CLASP1: variants seen among roughly 807,000 people sequenced by gnomAD.
CLASP1 encodes CLIP-associating protein 1.
In CLASP1, 38 loss-of-function variants were observed where a neutral mutation model predicts 192.3. The ratio of observed to expected loss-of-function variants is 0.20; its 90% CI spans 0.15 to 0.26. The LOEUF (loss-of-function observed/expected upper bound fraction) is 0.26, where lower values mean the gene tolerates loss of function less well. Ranked by LOEUF, CLASP1 falls within the 10% of genes least tolerant of loss-of-function variation. CLASP1 has a pLI of 1.00. For missense variants in CLASP1, 1,433 were observed against 1,932.5 expected (o/e 0.74, Z 4.85); for synonymous variants, 691 against 712.8 (o/e 0.97, Z 0.49).
chr2:121,353,961 A>AG (rs1340639051), intron 37 of CLASP1, among the ~76,000 whole-genome samples: 1 of 152,118 alleles, frequency 6.6e-6, no homozygotes, highest in East Asian at 1.9e-4. Flanking sequence ...AGTTTTTTGT[A>AG]GGGGTCTCAG....
At chr2:121,388,000 T>C in intron 30 of CLASP1, 94 bp from the exon 32 acceptor site, 1 of 1,006,436 alleles carries the variant, frequency 9.9e-7, no homozygotes, top group Non-Finnish European at 1.4e-6. Context: ...ATAAGTAAAA[T>C]CACTAATAAG....
In CLASP1 at chr2:121,514,786, T is replaced by C. The variant is rs540064866; in HGVS notation, c.644+879A>G. Among the ~76,000 whole-genome samples the C allele has an allele frequency of 3.3e-5, 5 of 152,358 alleles. 1 individual carries two copies. In the South Asian group the frequency reaches 1.0e-3, roughly 32 times the overall value. On this transcript the variant is annotated intron_variant, in intron 7 of 39. Coordinates refer to ENST00000263710, the Ensembl canonical transcript of CLASP1. ...TTCCATCCCATTTCCAGATGCCCAG[T>C]ATGCCATAAACTCTTTTGTGAAACA...
intron 23 of CLASP1, among the ~76,000 whole-genome samples, chr2:121,413,608 T>A (rs1423388133): frequency 2.0e-5 from 3 of 152,234 alleles, no homozygotes; most frequent in African/African-American, 7.2e-5. Context: ...ATTACCTGAA[T>A]CCTGATCTTG....
chr2:121,562,974 C>T (rs940525416), intron 2 of CLASP1, among the ~76,000 whole-genome samples: 3 of 152,196 alleles, frequency 2.0e-5, no homozygotes, highest in Non-Finnish European at 2.9e-5. Flanking sequence ...CCAAGCTAAT[C>T]ACGTGACTGA....
At chr2:121,560,746 T>C (rs10176760) in intron 2 of CLASP1, among the ~76,000 whole-genome samples, 18,324 of 152,236 alleles carry the variant, frequency 0.12, 1,462 homozygotes, top group African/African-American at 0.21. Flanking sequence ...TACTTTTGTG[T>C]ACGTTTCACA....
chr2:121,404,380 A>G (rs1226836939), exon 26 of CLASP1: 1 of 1,612,232 alleles, frequency 6.2e-7, no homozygotes, highest in Admixed American at 1.7e-5. Context: ...CCTTGCTATG[A>G]GGGTCAGCAA....
At chr2:121,575,862 CACAT>C (rs2060467373) in intron 2 of CLASP1, among the ~76,000 whole-genome samples, 1 of 152,204 alleles carries the variant, frequency 6.6e-6, no homozygotes, top group African/African-American at 2.4e-5. Flanking sequence ...TACAGGGCTT[CACAT>C]TATGAGCTAT....
chr2:121,610,952 TGGA>T (rs879174133), intron 1 of CLASP1, among the ~76,000 whole-genome samples: 9 of 83,726 alleles, frequency 1.1e-4, no homozygotes, highest in African/African-American at 2.5e-4. Flanking sequence ...GAAGAGGAAC[TGGA>T]GGAGGAGGAG....
chr2:121,402,575 A>T (rs750400471), intron 26 of CLASP1: 3 of 518,102 alleles, frequency 5.8e-6, no homozygotes, highest in Non-Finnish European at 7.7e-6. Flanking sequence ...TACTAACTAA[A>T]CTGAGACCTC....
chr2:121,510,887 C>T (rs2094112446), intron 7 of CLASP1, among the ~76,000 whole-genome samples: 1 of 151,740 alleles, frequency 6.6e-6, no homozygotes, highest in Admixed American at 6.6e-5. Flanking sequence ...AAAGAAAAGG[C>T]CTAGTCTCCA....
intron 8 of CLASP1, among the ~76,000 whole-genome samples, chr2:121,481,644 T>C (rs2092604637): frequency 2.0e-5 from 3 of 152,230 alleles, no homozygotes. Flanking sequence ...AGGGTCACCT[T>C]ACAGGTGATT....
intron 7 of CLASP1, among the ~76,000 whole-genome samples, chr2:121,510,385 A>T (rs1030021129): frequency 6.6e-6 from 1 of 152,218 alleles, no homozygotes; most frequent in Non-Finnish European, 1.5e-5. Flanking sequence ...TGTACAAATA[A>T]AAAGGATTAC....
chr2:121,542,824 C>T (rs1430635305), intron 2 of CLASP1, among the ~76,000 whole-genome samples: 1 of 152,210 alleles, frequency 6.6e-6, no homozygotes, highest in Admixed American at 6.5e-5. Context: ...AGGATCATCA[C>T]ACCATCAAAC....
rs565721599 is a variant in CLASP1 at position 121,354,568 on chromosome 2, A to T, written c.4207-5850T>A. On this transcript the variant is annotated intron_variant, in intron 37 of 39. Transcript: ENST00000263710. ...TTATCTAATCTGGCCTAGCAATGAAACCATGCTCAGAAACTGCTGGCTTTC... is the reference window on the plus strand; with the variant it reads ...TTATCTAATCTGGCCTAGCAATGAATCCATGCTCAGAAACTGCTGGCTTTC... 2.0e-5 allele frequency among the ~76,000 whole-genome samples: 3 copies of T among 152,280 alleles called. 1 individual carries two copies. The South Asian group carries it at 6.2e-4, about 32-fold the overall frequency.
chr2:121,461,127 G>A (rs1219890291), exon 11 of CLASP1: 12 of 1,605,694 alleles, frequency 7.5e-6, no homozygotes, highest in Non-Finnish European at 1.0e-5. Flanking sequence ...TCCCAATCAT[G>A]CTTGTCATCA....
intron 12 of CLASP1, chr2:121,459,730 T>C (rs1196137194): frequency 1.8e-5 from 6 of 330,000 alleles, no homozygotes; most frequent in Non-Finnish European, 3.3e-5. Context: ...TCCATATTAA[T>C]AACTGCTTCA....
intron 6 of CLASP1, among the ~76,000 whole-genome samples, chr2:121,517,223 CAT>C (rs898713703): frequency 2.6e-5 from 4 of 152,038 alleles, no homozygotes; most frequent in African/African-American, 4.8e-5. Flanking sequence ...ATTTTTAAAA[CAT>C]AAAATGGAAC....
chr2:121,357,103 G>A (rs970934269), intron 37 of CLASP1, among the ~76,000 whole-genome samples: 1 of 152,114 alleles, frequency 6.6e-6, no homozygotes. Context: ...ACAATGTACC[G>A]GCTACCCCAG....
At chr2:121,348,470 C>T in intron 38 of CLASP1, 42 bp downstream of exon 39, 2 of 1,546,078 alleles carry the variant, frequency 1.3e-6, no homozygotes, top group Non-Finnish European at 1.8e-6. Context: ...TTAGGCAACC[C>T]CACACAGGCC....
Sources: allele counts gnomAD v4.1 joint callset (sites outside exome capture counted in the v4.1 genomes callset), GRCh38; gene constraint gnomAD v4.1.1; transcripts MANE v1.5; gene names NCBI Gene and HGNC (gene_info 2026-07-23, HGNC 2026-07-21).